Variants in SRGAP1 observed in about 807,000 individuals in gnomAD.
SRGAP1 encodes the protein SLIT-ROBO Rho GTPase activating protein 1, also known as SLIT-ROBO Rho GTPase-activating protein 1.
A neutral mutation model predicts 121.9 loss-of-function variants in SRGAP1; 43 were observed. The ratio of observed to expected loss-of-function variants is 0.35; its 90% CI spans 0.28 to 0.46. The LOEUF is 0.46. Among genes scored for constraint, SRGAP1 ranks in the 20% least tolerant of loss-of-function variants. The pLI is 1.00. For missense variants in SRGAP1, 1,102 were observed against 1,350.9 expected, an observed-to-expected ratio of 0.82 and a Z score of 2.89; for synonymous variants, 447 against 485.4, an observed-to-expected ratio of 0.92 and a Z score of 1.04.
chr12:64,071,872 C>CA (rs944563096), intron 8 of SRGAP1, among the ~76,000 whole-genome samples: 37 of 148,546 alleles, frequency 2.5e-4, no homozygotes, highest in African/African-American at 9.1e-4. Context: ...CTACCCTCAC[C>CA]CCCCCCCAAA....
At chr12:63,968,023 T>C (rs1219014165) in intron 1 of SRGAP1, among the ~76,000 whole-genome samples, 3 of 152,220 alleles carry the variant, frequency 2.0e-5, no homozygotes, top group Non-Finnish European at 4.4e-5. Flanking sequence ...GTCAATTCAT[T>C]GGCATCCAAG....
At chr12:63,869,221 A>C (rs1205214495) in intron 1 of SRGAP1, among the ~76,000 whole-genome samples, 1 of 152,172 alleles carries the variant, frequency 6.6e-6, no homozygotes, top group African/African-American at 2.4e-5. Flanking sequence ...GCATCTGATG[A>C]GGGCCTTCTT....
chr12:64,116,281 A>G (rs989985984), intron 18 of SRGAP1, among the ~76,000 whole-genome samples: 31 of 149,766 alleles, frequency 2.1e-4, no homozygotes, highest in African/African-American at 7.1e-4. Context: ...AAAAAAGTAG[A>G]TTAAAAAAAA....
At position 64,142,718 on chromosome 12, in the gene SRGAP1, A is replaced by G; in HGVS notation, c.*46A>G. 2 of 1,557,828 alleles carry G rather than the reference A, an allele frequency of 1.3e-6. No individual in the cohort carries two copies. Among genetic ancestry groups the G allele is most frequent in the Non-Finnish European group, 1.7e-6 (2 of 1,152,104 alleles). On this transcript the variant is annotated 3_prime_UTR_variant, in exon 22 of 22. Transcript: ENST00000355086. ...TAAAGGGAGGTGACTTAAAAAAGAA[A>G]ATGGATTAGTGACAAAAGTCACTGA...
intron 1 of SRGAP1, among the ~76,000 whole-genome samples, chr12:63,852,295 A>C (rs11175189): frequency 0.28 from 43,191 of 152,120 alleles, 7,076 homozygotes; most frequent in East Asian, 0.55. Flanking sequence ...CTCGCCCAGC[A>C]TGTTGTTCTA....
intron 3 of SRGAP1, among the ~76,000 whole-genome samples, chr12:63,990,373 A>G (rs924328793): frequency 2.3e-4 from 35 of 152,134 alleles, no homozygotes; most frequent in African/African-American, 8.4e-4. Context: ...CTCTACTAAA[A>G]ACACAGAAAT....
chr12:63,988,443 G>T (rs1369712714), intron 2 of SRGAP1, among the ~76,000 whole-genome samples: 1 of 152,162 alleles, frequency 6.6e-6, no homozygotes, highest in Non-Finnish European at 1.5e-5. Context: ...AGGGTAGAGG[G>T]TATAATTCTT....
At chr12:63,999,429 G>A (rs1014583553) in intron 3 of SRGAP1, among the ~76,000 whole-genome samples, 1 of 152,234 alleles carries the variant, frequency 6.6e-6, no homozygotes, top group Admixed American at 6.5e-5. Context: ...TGCAGCTCTT[G>A]GAACTAATCC....
intron 1 of SRGAP1, chr12:63,872,142 T>C (rs1030401826): frequency 2.2e-6 from 1 of 464,958 alleles, no homozygotes; most frequent in Non-Finnish European, 3.9e-6. Flanking sequence ...AGTTTTTCTT[T>C]AAATGGAACA....
chr12:64,089,771 T>G (rs997204827), intron 11 of SRGAP1, among the ~76,000 whole-genome samples: 1 of 152,190 alleles, frequency 6.6e-6, no homozygotes, highest in African/African-American at 2.4e-5. Context: ...CTGTAGAACT[T>G]CAGGTGCTGC....
At chr12:63,933,240 A>G (rs1008439051) in intron 1 of SRGAP1, among the ~76,000 whole-genome samples, 2 of 152,104 alleles carry the variant, frequency 1.3e-5, no homozygotes, top group Admixed American at 6.6e-5. Context: ...AATAATAATA[A>G]TAATAAAAAG....
intron 6 of SRGAP1, among the ~76,000 whole-genome samples, chr12:64,057,836 G>A (rs1436121227): frequency 3.9e-5 from 6 of 152,096 alleles, no homozygotes; most frequent in African/African-American, 1.2e-4. Context: ...CCATTCTCAC[G>A]ACAACTGCTG....
chr12:63,960,297 G>A (rs1272897119), intron 1 of SRGAP1, among the ~76,000 whole-genome samples: 4 of 152,080 alleles, frequency 2.6e-5, no homozygotes, highest in African/African-American at 9.7e-5. Flanking sequence ...CCCCTCCGGA[G>A]CTTCTGTGGG....
chr12:63,928,043 C>T (rs1270718083), intron 1 of SRGAP1, among the ~76,000 whole-genome samples: 1 of 152,110 alleles, frequency 6.6e-6, no homozygotes, highest in Non-Finnish European at 1.5e-5. Context: ...GGAACCCACT[C>T]AGGATATGCT....
chr12:63,921,988 T>A (rs1380288757), intron 1 of SRGAP1, among the ~76,000 whole-genome samples: 1 of 151,970 alleles, frequency 6.6e-6, no homozygotes, highest in African/African-American at 2.4e-5. Flanking sequence ...TTTCTTTTTT[T>A]TTTTTTTGAG....
chr12:63,889,445 A>C lies in SRGAP1; in HGVS notation c.67+44562A>C, dbSNP rs773169188. Among the ~76,000 whole-genome samples, 14 of 152,306 alleles carry C rather than the reference A, an allele frequency of 9.2e-5. No homozygotes were observed. The East Asian group carries it at 2.5e-3, about 27-fold the overall frequency. On this transcript the variant is annotated intron_variant, in intron 1 of 21. Transcript: ENST00000355086. ...CCTCTACTCAAGTAGATTTGAAAACAGCATATCTTGTGTGAATACTCAGTC... is the reference window on the plus strand; with the variant it reads ...CCTCTACTCAAGTAGATTTGAAAACCGCATATCTTGTGTGAATACTCAGTC...
Position 64,142,435 on chromosome 12 carries a change from A to C in SRGAP1, c.3021A>C (p.Glu1007Asp), listed in dbSNP as rs147893543. ...CTCCCACCCCTGCCACTTCCACGGA[A>C]TCTCTCAGCCCTTTGCACAACGTTG... ...KNSPTPATST[E>D]SLSPLHNVAL... The change falls in exon 22 of 22, where the codon GAA becomes GAC. Residue 1007 changes from glutamate (E) to aspartate (D), a missense_variant. This residue lies in a region of SRGAP1 where 315 missense variants were observed against 343.1 expected (regional missense o/e 0.92). Coordinates refer to ENST00000355086, the MANE Select transcript of SRGAP1 (RefSeq NM_020762.4). The C allele has an allele frequency of 4.2e-5, 67 of 1,613,904 alleles. No individual in the cohort carries two copies. Among genetic ancestry groups the C allele is most frequent in the Non-Finnish European group, 5.4e-5 (64 of 1,179,998 alleles).
chr12:64,008,888 A>T (rs17099997), intron 3 of SRGAP1, among the ~76,000 whole-genome samples: 1 of 152,090 alleles, frequency 6.6e-6, no homozygotes, highest in Non-Finnish European at 1.5e-5. Context: ...GAGTAAGCTT[A>T]TGGGTTTCCT....
In SRGAP1 at chr12:63,872,024, G is replaced by C. The variant is rs1738581553; in HGVS notation, c.67+27141G>C. 20 of 839,188 alleles carry C rather than the reference G, an allele frequency of 2.4e-5. No individual in the cohort carries two copies. In the South Asian group the frequency reaches 2.8e-4, roughly 12 times the overall value. 52.0% of individuals were successfully genotyped at this position (839,188 alleles called of 1,614,324 possible). On this transcript the variant is annotated intron_variant, in intron 1 of 21. Transcript: ENST00000355086. ...CAGGTGATGCTTACAAAGGTTCTTC[G>C]GGTTTAGGTACGTTGACCATCTTTG...
Sources: gnomAD v4.1 joint callset for allele counts (sites outside exome capture counted in the v4.1 genomes callset) on GRCh38, gnomAD v4.1.1 for gene constraint, gnomAD v4.1.1 regional missense constraint, MANE v1.5 for transcripts, NCBI Gene and HGNC (gene_info 2026-07-23, HGNC 2026-07-21) for gene names.